The following ERGIC1 variants were observed in gnomAD, a reference collection of about 807,000 sequenced individuals.
The protein encoded by ERGIC1 is endoplasmic reticulum-Golgi intermediate compartment protein 1.
Under a neutral mutation model 38.3 loss-of-function variants are expected in ERGIC1, and 19 were observed. The observed-to-expected ratio is 0.50, with a 90% confidence interval of 0.35 to 0.73. The LOEUF (loss-of-function observed/expected upper bound fraction) is 0.73, where lower values mean the gene tolerates loss of function less well. ERGIC1 is among the 30% of genes least tolerant of loss of function. The probability of loss-of-function intolerance (pLI) is 0.01; values close to 1 mark genes in which losing one functional copy is unlikely to be tolerated. For synonymous variants in ERGIC1, 124 were observed against 157.6 expected (o/e 0.79, Z 1.60); for missense variants, 294 against 389.2 (o/e 0.76, Z 2.06).
At chr5:172,875,398 G>A (rs1253455143) in intron 1 of ERGIC1, among the ~76,000 whole-genome samples, 1 of 152,044 alleles carries the variant, frequency 6.6e-6, no homozygotes, top group Non-Finnish European at 1.5e-5. Flanking sequence ...GATGGGGTTG[G>A]GGTAGAAATG....
intron 9 of ERGIC1, among the ~76,000 whole-genome samples, chr5:172,946,995 C>T (rs940663825): frequency 3.3e-5 from 5 of 151,980 alleles, no homozygotes; most frequent in African/African-American, 1.2e-4. Flanking sequence ...ACTATCCTGG[C>T]CAACATGGTA....
chr5:172,901,869 G>A (rs916952625), intron 3 of ERGIC1, among the ~76,000 whole-genome samples: 1 of 152,124 alleles, frequency 6.6e-6, no homozygotes, highest in Non-Finnish European at 1.5e-5. Flanking sequence ...CCAAAGTGCT[G>A]GGATTATAGG....
Position 172,888,571 on chromosome 5 carries a change from G to A in ERGIC1, c.21-128G>A. On this transcript the variant is annotated intron_variant, in intron 1 of 9. Transcript: ENST00000393784. ...GCATCTTGGAGAAAGTGTCCTGAAAGAGCAGAAAAACTGTGGGAAGAACCA... is the reference window on the plus strand; with the variant it reads ...GCATCTTGGAGAAAGTGTCCTGAAAAAGCAGAAAAACTGTGGGAAGAACCA... 7 of 772,502 alleles carry A rather than the reference G, an allele frequency of 9.1e-6. No individual in the cohort carries two copies. The East Asian group carries it at 1.0e-4, about 12-fold the overall frequency. The allele number at this position is 772,502 out of a possible 1,614,324, so 47.9% of individuals were successfully genotyped here.
At chr5:172,871,307 C>T (rs1419174969) in intron 1 of ERGIC1, among the ~76,000 whole-genome samples, 3 of 152,194 alleles carry the variant, frequency 2.0e-5, no homozygotes, top group African/African-American at 7.2e-5. Flanking sequence ...CAGGAACCTG[C>T]CAGATACGCT....
intron 4 of ERGIC1, 164 bp from the exon 5 acceptor site, chr5:172,914,550 T>C (rs2113406552): frequency 8.7e-7 from 1 of 1,153,742 alleles, no homozygotes; most frequent in Non-Finnish European, 1.3e-6. Flanking sequence ...GGAGTCATTG[T>C]CCTGTCCCCT....
At chr5:172,913,852 C>T (rs1302774711) in intron 4 of ERGIC1, among the ~76,000 whole-genome samples, 1 of 152,012 alleles carries the variant, frequency 6.6e-6, no homozygotes, top group Non-Finnish European at 1.5e-5. Context: ...GTAGCATAGG[C>T]GATGGGTAAA....
chr5:172,834,463 G>A lies in ERGIC1; in HGVS notation c.20+30G>A. On this transcript the variant is annotated intron_variant, in intron 1 of 9. Transcript: ENST00000393784. This position sits in a 1 kb window ranked among gnomAD's most constrained non-coding sequence, Gnocchi z 4.1. ...GTGTGGCGACCCCGGCCAGTCGGGA[G>A]TTCCCTCAGCGGGCAGAGGGAGCGC... The A allele has an allele frequency of 3.1e-6, 4 of 1,308,236 alleles. No individual in the cohort carries two copies. Among genetic ancestry groups the A allele is most frequent in the Non-Finnish European group, 3.9e-6 (4 of 1,025,686 alleles). The allele number at this position is 1,308,236 out of a possible 1,614,324, so 81.0% of individuals were successfully genotyped here. A position where few individuals can be genotyped will look rare whatever the true frequency, so the allele number is the denominator to read the frequency against.
At chr5:172,915,903 C>G (rs1763353381) in intron 5 of ERGIC1, 1 of 284,648 alleles carries the variant, frequency 3.5e-6, no homozygotes, top group Non-Finnish European at 7.1e-6. Context: ...CCACATCCAG[C>G]CCAAAGATAA....
intron 1 of ERGIC1, among the ~76,000 whole-genome samples, chr5:172,879,295 G>A (rs1419537583): frequency 2.6e-5 from 4 of 152,250 alleles, no homozygotes; most frequent in African/African-American, 9.6e-5. Flanking sequence ...TGTTTATTCG[G>A]GGTTGGGCTC....
At chr5:172,900,964 G>A (rs1762862127) in intron 3 of ERGIC1, among the ~76,000 whole-genome samples, 1 of 152,202 alleles carries the variant, frequency 6.6e-6, no homozygotes, top group African/African-American at 2.4e-5. Flanking sequence ...CAATCGAGAG[G>A]AGAAAGCATC....
In ERGIC1 at chr5:172,935,262, G is replaced by A. The variant is rs1198583114; in HGVS notation, c.717G>A (p.Thr239=). ...TCCGCTACGACCTCAGCCCCATCAC[G>A]GTCAAGTACACAGAGAGACGGCAGC... The part of the protein sequence containing the change: ...IWFRYDLSPI[T]VKYTERRQPL... Residue 239 remains threonine (T), a synonymous_variant, in exon 9 of 10, where the codon ACG becomes ACA. Coordinates refer to ENST00000393784, the MANE Select transcript of ERGIC1 (RefSeq NM_001031711.3). The A allele has an allele frequency of 7.4e-6, 12 of 1,614,022 alleles. No homozygotes were observed. The highest frequency in any genetic ancestry group is 4.5e-5 in the East Asian group (2 of 44,888).
intron 1 of ERGIC1, among the ~76,000 whole-genome samples, chr5:172,865,209 T>C (rs1170678494): frequency 6.6e-6 from 1 of 152,054 alleles, no homozygotes; most frequent in Non-Finnish European, 1.5e-5. Flanking sequence ...CGCCCGCCAC[T>C]ATGCCTGGCT....
chr5:172,893,905 A>ATGTGTGTGTGTGTGTGTGTGTGTGTG (rs1554110394), intron 2 of ERGIC1, among the ~76,000 whole-genome samples: 3 of 15,544 alleles, frequency 1.9e-4, no homozygotes, highest in Middle Eastern at 0.045. Context: ...ATATATATAT[A>ATGTGTGTGTGTGTGTGTGTGTGTGTG]TGTGTGTGTG....
intron 1 of ERGIC1, among the ~76,000 whole-genome samples, chr5:172,843,876 ATACT>A (rs933296633): frequency 2.0e-5 from 3 of 152,196 alleles, no homozygotes; most frequent in Non-Finnish European, 2.9e-5. Flanking sequence ...TGGGGTGCTC[ATACT>A]TTCTTTGCGG....
intron 1 of ERGIC1, among the ~76,000 whole-genome samples, chr5:172,858,089 C>G (rs1444165433): frequency 6.6e-6 from 1 of 152,282 alleles, no homozygotes; most frequent in East Asian, 1.9e-4. Context: ...AGGCCTGCGT[C>G]TTCTAGGGGA....
chr5:172,912,175 G>GC (rs1763223941), intron 4 of ERGIC1, among the ~76,000 whole-genome samples: 2 of 151,286 alleles, frequency 1.3e-5, no homozygotes, highest in Non-Finnish European at 1.5e-5. Flanking sequence ...ATTCTTCCAG[G>GC]CCAGGCCCTG....
intron 1 of ERGIC1, among the ~76,000 whole-genome samples, chr5:172,850,838 T>C (rs1053635450): frequency 6.6e-6 from 1 of 152,198 alleles, no homozygotes; most frequent in Non-Finnish European, 1.5e-5. Flanking sequence ...TGTGATTATT[T>C]GGCCCTCACA....
At chr5:172,932,719 TG>T in intron 8 of ERGIC1, 183 bp downstream of exon 8, 1 of 613,442 alleles carries the variant, frequency 1.6e-6, no homozygotes. Context: ...CCCTGCCATG[TG>T]GCAGTCTCAG....
intron 1 of ERGIC1, among the ~76,000 whole-genome samples, chr5:172,877,410 ATGTGTGTGTGTGTGTGTG>A (rs34909688): frequency 2.0e-5 from 2 of 102,316 alleles, no homozygotes; most frequent in Non-Finnish European, 3.7e-5. Flanking sequence ...TATTATATAT[ATGTGTGTGTGTGTGTGTG>A]TGTGTGTGTG....
Sources: gnomAD v4.1 joint callset for allele counts (sites outside exome capture counted in the v4.1 genomes callset) on GRCh38, gnomAD v4.1.1 for gene constraint, Gnocchi (gnomAD v3.1) non-coding constraint, MANE v1.5 for transcripts, NCBI Gene and HGNC (gene_info 2026-07-23, HGNC 2026-07-21) for gene names.